Variants in CA10 observed in about 807,000 individuals in gnomAD.
CA10 encodes carbonic anhydrase 10 (inactive).
Under a neutral mutation model 44.2 loss-of-function variants are expected in CA10, and 14 were observed. That is an observed-to-expected ratio of 0.32 (90% confidence interval 0.21 to 0.50). The LOEUF (loss-of-function observed/expected upper bound fraction) is 0.50, where lower values mean the gene tolerates loss of function less well. Among genes scored for constraint, CA10 ranks in the 20% least tolerant of loss-of-function variants. CA10 has a pLI of 0.99. For synonymous variants in CA10, 159 were observed against 141.6 expected, an observed-to-expected ratio of 1.12 and a Z score of -0.87; for missense variants, 350 against 409.7, an observed-to-expected ratio of 0.85 and a Z score of 1.26.
At chr17:52,036,651 C>T (rs1431438295) in intron 2 of CA10, among the ~76,000 whole-genome samples, 1 of 152,196 alleles carries the variant, frequency 6.6e-6, no homozygotes, top group Non-Finnish European at 1.5e-5. Flanking sequence ...GGCTCTGCTA[C>T]TTACTAGCCT....
intron 3 of CA10, among the ~76,000 whole-genome samples, chr17:51,764,886 A>G (rs1406098361): frequency 6.6e-6 from 1 of 152,184 alleles, no homozygotes; most frequent in Non-Finnish European, 1.5e-5. Context: ...CCCCATTCTC[A>G]TTTCTAATAA....
At chr17:52,147,390 T>A (rs956480457) in intron 1 of CA10, among the ~76,000 whole-genome samples, 26 of 151,882 alleles carry the variant, frequency 1.7e-4, no homozygotes, top group Non-Finnish European at 1.5e-5. Flanking sequence ...TAAACACAAC[T>A]CTCATTCATG....
chr17:51,755,383 A>G (rs994572625), intron 3 of CA10, among the ~76,000 whole-genome samples: 18 of 152,202 alleles, frequency 1.2e-4, no homozygotes, highest in Non-Finnish European at 2.1e-4. Flanking sequence ...GTGGATGTTT[A>G]CTGCAGAAAG....
intron 3 of CA10, among the ~76,000 whole-genome samples, chr17:51,748,201 G>C (rs918285051): frequency 6.6e-6 from 1 of 152,182 alleles, no homozygotes; most frequent in Non-Finnish European, 1.5e-5. Context: ...AGTTAGCAAG[G>C]GGTGAGATAT....
chr17:51,722,650 C>T (rs72832643), intron 4 of CA10, among the ~76,000 whole-genome samples: 4,121 of 152,254 alleles, frequency 0.027, 106 homozygotes, highest in Non-Finnish European at 0.034. Flanking sequence ...TTATTTGACA[C>T]TCACATTAGC....
At chr17:52,106,236 G>A (rs973050557) in intron 1 of CA10, among the ~76,000 whole-genome samples, 3 of 152,182 alleles carry the variant, frequency 2.0e-5, no homozygotes, top group African/African-American at 7.2e-5. Context: ...GATCGTGAAA[G>A]TCTTCCTGAC....
Position 51,838,849 on chromosome 17 carries a change from A to G in CA10, c.280-91031T>C, listed in dbSNP as rs537158660. Among the ~76,000 whole-genome samples the G allele has an allele frequency of 5.3e-5, 8 of 152,274 alleles. No homozygotes were observed. In the South Asian group the frequency reaches 6.2e-4, roughly 12 times the overall value. Reference sequence around the variant, plus strand: ...TGCCCTTCTCATCTCCACTTCTCCTATCAAAGATTGAATCACTCCTACTCA... The same window carrying G: ...TGCCCTTCTCATCTCCACTTCTCCTGTCAAAGATTGAATCACTCCTACTCA... On this transcript the variant is annotated intron_variant, in intron 3 of 8. Coordinates refer to ENST00000451037, the MANE Select transcript of CA10 (RefSeq NM_020178.5).
chr17:51,689,772 C>G (rs1915126167), intron 4 of CA10, among the ~76,000 whole-genome samples: 1 of 152,044 alleles, frequency 6.6e-6, no homozygotes, highest in Non-Finnish European at 1.5e-5. Flanking sequence ...CTTCCTTTAG[C>G]ATTTTAAAAT....
At chr17:51,885,935 A>C (rs1980579120) in intron 3 of CA10, among the ~76,000 whole-genome samples, 1 of 152,226 alleles carries the variant, frequency 6.6e-6, no homozygotes, top group African/African-American at 2.4e-5. Context: ...GTTAGCCAAT[A>C]AGTAGGTGGG....
At chr17:51,747,926 A>G in intron 3 of CA10, 108 bp from the exon 4 acceptor site, 2 of 787,302 alleles carry the variant, frequency 2.5e-6, no homozygotes, top group East Asian at 2.6e-5. Context: ...TGATGGGAAG[A>G]TGGGCTAAAT....
chr17:51,778,924 C>G (rs1383511575), intron 3 of CA10, among the ~76,000 whole-genome samples: 1 of 152,076 alleles, frequency 6.6e-6, no homozygotes, highest in Non-Finnish European at 1.5e-5. Context: ...AGAGTTGGAC[C>G]CAGGAACTCA....
rs1490613409 is a variant in CA10 at position 52,123,374 on chromosome 17, G to GTGTA, written c.61+34351_61+34352insTACA. ...GTGTATGTGTGTATATATATGGGGTGTGTGTGTGTGTGTGTGTGTGTGACG... is the reference window on the plus strand; with the variant it reads ...GTGTATGTGTGTATATATATGGGGTGTGTATGTGTGTGTGTGTGTGTGTGTGACG... On this transcript the variant is annotated intron_variant, in intron 1 of 8. Transcript: ENST00000451037. 1.9e-4 allele frequency among the ~76,000 whole-genome samples: 29 copies of GTGTA among 149,942 alleles called. No individual in the cohort carries two copies. In the East Asian group the frequency reaches 5.7e-3, roughly 29 times the overall value.
chr17:52,008,538 T>C (rs991932605), intron 2 of CA10, among the ~76,000 whole-genome samples: 3 of 151,814 alleles, frequency 2.0e-5, no homozygotes, highest in African/African-American at 7.3e-5. Context: ...GCTTTTCTAA[T>C]TTCAATTTTT....
chr17:51,781,863 T>A (rs1316271723), intron 3 of CA10, among the ~76,000 whole-genome samples: 2 of 152,226 alleles, frequency 1.3e-5, no homozygotes, highest in African/African-American at 4.8e-5. Context: ...TCTTATATAA[T>A]GAGGTAGGTA....
chr17:51,862,752 C>CT (rs897880479), intron 3 of CA10, among the ~76,000 whole-genome samples: 23 of 150,170 alleles, frequency 1.5e-4, no homozygotes, highest in Non-Finnish European at 2.4e-4. Flanking sequence ...TTCACATGGC[C>CT]TTTTTTTTTC....
At chr17:52,051,092 G>T (rs1987055292) in intron 2 of CA10, among the ~76,000 whole-genome samples, 1 of 142,778 alleles carries the variant, frequency 7.0e-6, no homozygotes, top group African/African-American at 2.6e-5. Context: ...TGAAGAGTGG[G>T]AAGGGAGGAA....
At chr17:52,113,493 G>C (rs1988829503) in intron 1 of CA10, among the ~76,000 whole-genome samples, 1 of 152,164 alleles carries the variant, frequency 6.6e-6, no homozygotes, top group Admixed American at 6.5e-5. Flanking sequence ...ATCCTAGGGA[G>C]TTAATAATCT....
intron 3 of CA10, among the ~76,000 whole-genome samples, chr17:51,767,916 T>C (rs1905449029): frequency 6.6e-6 from 1 of 152,094 alleles, no homozygotes; most frequent in South Asian, 2.1e-4. Context: ...CAGGCAGTAA[T>C]GTGAGCATTG....
intron 3 of CA10, among the ~76,000 whole-genome samples, chr17:51,925,181 C>A (rs1425962267): frequency 2.0e-5 from 3 of 152,140 alleles, no homozygotes; most frequent in Admixed American, 2.0e-4. Context: ...CAAGCCACTG[C>A]ACCCTGCTTC....
Sources: allele counts gnomAD v4.1 joint callset (sites outside exome capture counted in the v4.1 genomes callset), GRCh38; gene constraint gnomAD v4.1.1; transcripts MANE v1.5; gene names NCBI Gene and HGNC (gene_info 2026-07-23, HGNC 2026-07-21).